The following BABAM2 variants were observed in gnomAD, a reference collection of about 807,000 sequenced individuals.
BABAM2 encodes the protein BRISC and BRCA1-A complex member 2.
Under a neutral mutation model 54.7 loss-of-function variants are expected in BABAM2, and 31 were observed. That is an observed-to-expected ratio of 0.57 (90% CI 0.43 to 0.77). BABAM2 has a LOEUF of 0.77. Ranked by LOEUF, BABAM2 falls within the 30% of genes least tolerant of loss-of-function variation. The pLI is 0.00. For synonymous variants in BABAM2, 167 were observed against 162.9 expected (o/e 1.03, Z -0.19); for missense variants, 364 against 455.8 (o/e 0.80, Z 1.83).
In BABAM2 at chr2:28,036,514, A is replaced by T. The variant is rs557186125; in HGVS notation, c.496-9211A>T. Among the ~76,000 whole-genome samples, 7 of 152,314 alleles carry T rather than the reference A, an allele frequency of 4.6e-5. 1 individual carries two copies. The highest frequency in any genetic ancestry group is 1.7e-4 in the African/African-American group (7 of 41,584). On this transcript the variant is annotated intron_variant, in intron 5 of 11. Coordinates refer to ENST00000379624, the MANE Select transcript of BABAM2 (RefSeq NM_199191.3). ...TTGGAGTTAGTACTGAGGGAGTGAGATTGGTCTCTGTATGAGTAATTGGTC... is the reference window on the plus strand; with the variant it reads ...TTGGAGTTAGTACTGAGGGAGTGAGTTTGGTCTCTGTATGAGTAATTGGTC...
chr2:28,021,200 T>C (rs1675233603), intron 4 of BABAM2, among the ~76,000 whole-genome samples: 1 of 152,102 alleles, frequency 6.6e-6, no homozygotes, highest in South Asian at 2.1e-4. Context: ...CCAGAAACAA[T>C]TTGTGGAGCT....
intron 5 of BABAM2, among the ~76,000 whole-genome samples, chr2:28,041,127 A>G (rs1677068683): frequency 6.6e-6 from 1 of 152,256 alleles, no homozygotes; most frequent in Non-Finnish European, 1.5e-5. Context: ...CCTTATATGT[A>G]CAAGAGTTAT....
At chr2:28,176,569 C>CAAAAA (rs778275011) in intron 7 of BABAM2, among the ~76,000 whole-genome samples, 93 of 5,040 alleles carry the variant, frequency 0.018, 36 homozygotes, top group Admixed American at 0.041. Context: ...GACTCTATCT[C>CAAAAA]AAAAAAAAAA....
intron 7 of BABAM2, among the ~76,000 whole-genome samples, chr2:28,217,982 T>C (rs1033340225): frequency 3.3e-5 from 5 of 152,224 alleles, no homozygotes; most frequent in African/African-American, 1.2e-4. Context: ...TGTGTAACTT[T>C]TTATGTTGAT....
intron 10 of BABAM2, among the ~76,000 whole-genome samples, chr2:28,250,513 A>G (rs552016322): frequency 2.5e-4 from 38 of 151,026 alleles, no homozygotes; most frequent in Non-Finnish European, 4.6e-4. Context: ...TTACATGTAT[A>G]TATGTTATAA....
rs760822722 is a variant in BABAM2 at position 28,221,448 on chromosome 2, AGTT to A, written c.681-15737_681-15735del. On this transcript the variant is annotated intron_variant, in intron 7 of 11. Coordinates refer to ENST00000379624, the MANE Select transcript of BABAM2 (RefSeq NM_199191.3). ...ATCAGTTTGGGGTATTTATTTATTT[AGTT>A]GTTGTTGTTGTTGTTGCTTTAATTT... Among the ~76,000 whole-genome samples the A allele has an allele frequency of 5.9e-3, 899 of 152,080 alleles. 7 individuals carry two copies. The highest frequency in any genetic ancestry group is 0.02 in the African/African-American group (833 of 41,458).
At chr2:27,921,376 A>G (rs1462580347) in intron 2 of BABAM2, among the ~76,000 whole-genome samples, 1 of 152,082 alleles carries the variant, frequency 6.6e-6, no homozygotes, top group Non-Finnish European at 1.5e-5. Flanking sequence ...CATTTGTTGA[A>G]AACATTTATA....
At chr2:28,249,154 C>A (rs969603812) in intron 10 of BABAM2, among the ~76,000 whole-genome samples, 2 of 145,690 alleles carry the variant, frequency 1.4e-5, no homozygotes, top group African/African-American at 2.5e-5. Context: ...GTAGTGTGAT[C>A]TTGGCTCACT....
At chr2:27,955,745 A>G (rs147669109) in intron 3 of BABAM2, among the ~76,000 whole-genome samples, 1 of 152,304 alleles carries the variant, frequency 6.6e-6, no homozygotes, top group East Asian at 1.9e-4. Context: ...TCCTAATATC[A>G]GCATTGGGTA....
intron 6 of BABAM2, among the ~76,000 whole-genome samples, chr2:28,093,106 A>G (rs928239987): frequency 1.3e-5 from 2 of 152,188 alleles, no homozygotes; most frequent in African/African-American, 2.4e-5. Flanking sequence ...ATCTTGATCC[A>G]GCTTTGAAGA....
chr2:28,241,243 C>T, intron 8 of BABAM2, 80 bp from the exon 9 acceptor site: 1 of 1,371,692 alleles, frequency 7.3e-7, no homozygotes, highest in Non-Finnish European at 1.0e-6. Flanking sequence ...CTTTCTGCTT[C>T]TCTGAATCTT....
At chr2:28,087,862 C>T (rs1259040354) in intron 6 of BABAM2, among the ~76,000 whole-genome samples, 2 of 152,138 alleles carry the variant, frequency 1.3e-5, no homozygotes, top group African/African-American at 4.8e-5. Context: ...GTTGGCCAGG[C>T]TGGTCTCAAA....
At chr2:28,107,342 A>T (rs1667615764) in intron 6 of BABAM2, among the ~76,000 whole-genome samples, 1 of 152,144 alleles carries the variant, frequency 6.6e-6, no homozygotes, top group South Asian at 2.1e-4. Context: ...GTCATTACTC[A>T]CTTTGTAATC....
intron 8 of BABAM2, among the ~76,000 whole-genome samples, chr2:28,241,107 C>G (rs72784727): frequency 0.081 from 12,317 of 152,044 alleles, 626 homozygotes; most frequent in African/African-American, 0.14. Flanking sequence ...CATGATGTCT[C>G]TCATTTCCTT....
chr2:27,907,536 A>G (rs1313416617), intron 2 of BABAM2, among the ~76,000 whole-genome samples: 1 of 152,188 alleles, frequency 6.6e-6, no homozygotes, highest in African/African-American at 2.4e-5. Context: ...AATATACATA[A>G]CATAAATTTA....
upstream of BABAM2, chr2:27,890,156 C>A: frequency 9.3e-7 from 1 of 1,077,334 alleles, no homozygotes; most frequent in South Asian, 1.4e-5. The surrounding 1 kb of genome is among the most constrained non-coding windows in gnomAD (Gnocchi z 4.8). Flanking sequence ...CTAGCACTGT[C>A]TATCCCTGGA....
intron 5 of BABAM2, among the ~76,000 whole-genome samples, chr2:28,039,752 C>T (rs1676926042): frequency 6.6e-6 from 1 of 152,210 alleles, no homozygotes; most frequent in South Asian, 2.1e-4. Flanking sequence ...AAAGCTTAGA[C>T]TTAATAAATT....
At chr2:28,167,878 C>A (rs1356244275) in intron 7 of BABAM2, among the ~76,000 whole-genome samples, 2 of 152,066 alleles carry the variant, frequency 1.3e-5, no homozygotes, top group African/African-American at 4.8e-5. Flanking sequence ...GTTTTTCCTG[C>A]ACTCTCATTT....
At chr2:28,277,352 G>C (rs1685966136) in intron 10 of BABAM2, among the ~76,000 whole-genome samples, 1 of 152,064 alleles carries the variant, frequency 6.6e-6, no homozygotes, top group Admixed American at 6.6e-5. Context: ...TGATCCTCCA[G>C]CCTCATCCTC....
Sources: gnomAD v4.1 joint callset for allele counts (sites outside exome capture counted in the v4.1 genomes callset) on GRCh38, gnomAD v4.1.1 for gene constraint, Gnocchi (gnomAD v3.1) non-coding constraint, MANE v1.5 for transcripts, NCBI Gene and HGNC (gene_info 2026-07-23, HGNC 2026-07-21) for gene names.